DSCAM: variants seen among roughly 807,000 people sequenced by gnomAD.
The protein encoded by DSCAM is DS cell adhesion molecule.
In DSCAM, 47 loss-of-function variants were observed where a neutral mutation model predicts 217.7. The observed-to-expected ratio is 0.22, with a 90% CI of 0.17 to 0.28. DSCAM has a LOEUF of 0.28. DSCAM is among the 10% of genes least tolerant of loss of function. The pLI is 1.00. For synonymous variants in DSCAM, 1,056 were observed against 1,015.3 expected (o/e 1.04, Z -0.76); for missense variants, 2,080 against 2,618.3 (o/e 0.79, Z 4.49).
intron 3 of DSCAM, among the ~76,000 whole-genome samples, chr21:40,482,269 C>T (rs2145989941): frequency 6.6e-6 from 1 of 152,272 alleles, no homozygotes; most frequent in South Asian, 2.1e-4. Flanking sequence ...AGCTATTGTA[C>T]ACTTATGTAG....
chr21:40,534,443 A>C (rs2076479315), intron 3 of DSCAM, among the ~76,000 whole-genome samples: 1 of 152,208 alleles, frequency 6.6e-6, no homozygotes, highest in East Asian at 1.9e-4. Context: ...TTCGACTAGA[A>C]AATGTGCACA....
At chr21:40,088,009 G>A (rs2089554499) in intron 21 of DSCAM, among the ~76,000 whole-genome samples, 1 of 152,192 alleles carries the variant, frequency 6.6e-6, no homozygotes, top group Non-Finnish European at 1.5e-5. Context: ...CCATCAGTGA[G>A]TCACAAAAGC....
chr21:40,578,632 T>C (rs2076876320), intron 3 of DSCAM, among the ~76,000 whole-genome samples: 1 of 152,212 alleles, frequency 6.6e-6, no homozygotes, highest in African/African-American at 2.4e-5. Flanking sequence ...TTTGTTCTTT[T>C]GCTCTTCACA....
chr21:40,654,453 A>G (rs982142689), intron 3 of DSCAM, among the ~76,000 whole-genome samples: 1 of 152,232 alleles, frequency 6.6e-6, no homozygotes, highest in African/African-American at 2.4e-5. Flanking sequence ...AAATTTTTAC[A>G]GCTGCGGTAA....
intron 7 of DSCAM, 137 bp downstream of exon 7, chr21:40,338,982 G>T: frequency 9.0e-7 from 1 of 1,112,520 alleles, no homozygotes; most frequent in Non-Finnish European, 1.3e-6. Context: ...TCCTGAGTAG[G>T]AAGGAGAGGG....
chr21:40,330,306 T>C lies in DSCAM; in HGVS notation c.1783+7795A>G, dbSNP rs2074363644. Among the ~76,000 whole-genome samples the C allele has an allele frequency of 2.0e-5, 3 of 147,312 alleles. No homozygotes were observed. The South Asian group carries it at 6.3e-4, about 31-fold the overall frequency. ...ATTATATTATATGCATATATTTATA[T>C]ATAATAAATTATATATTTATTATAT... On this transcript the variant is annotated intron_variant, in intron 8 of 32. Transcript: ENST00000400454.
chr21:40,649,624 T>C (rs538797557), intron 3 of DSCAM, among the ~76,000 whole-genome samples: 1 of 146,148 alleles, frequency 6.8e-6, no homozygotes, highest in South Asian at 2.2e-4. Context: ...CAAACAATAA[T>C]ATGCAGGGGT....
intron 4 of DSCAM, among the ~76,000 whole-genome samples, chr21:40,358,803 A>G (rs964190096): frequency 1.8e-5 from 2 of 109,744 alleles, no homozygotes; most frequent in Non-Finnish European, 3.4e-5. Flanking sequence ...CTCCATCTCG[A>G]AAAAAAAAAA....
intron 25 of DSCAM, among the ~76,000 whole-genome samples, chr21:40,079,929 ATTC>A (rs2089429769): frequency 1.3e-5 from 2 of 152,036 alleles, no homozygotes; most frequent in African/African-American, 2.4e-5. Flanking sequence ...TCAAACTGAC[ATTC>A]TTCTTTTTAA....
At chr21:40,668,030 C>T (rs1032517774) in intron 3 of DSCAM, among the ~76,000 whole-genome samples, 1 of 152,122 alleles carries the variant, frequency 6.6e-6, no homozygotes, top group African/African-American at 2.4e-5. Context: ...AGTAGAAGGC[C>T]CCAGTCTCAT....
Position 40,259,275 on chromosome 21 carries a change from TC to T in DSCAM, c.2356+16821del, listed in dbSNP as rs2073415537. Among the ~76,000 whole-genome samples, 4 of 128,994 alleles carry T rather than the reference TC, an allele frequency of 3.1e-5. No individual in the cohort carries two copies. The South Asian group carries it at 1.1e-3, about 35-fold the overall frequency. 84.6% of individuals were successfully genotyped at this position (128,994 alleles called of 152,430 possible). A position where few individuals can be genotyped will look rare whatever the true frequency, so the allele number is the denominator to read the frequency against. On this transcript the variant is annotated intron_variant, in intron 11 of 32. Transcript: ENST00000400454. ...GGATCTGATCTCCTCTTTAATGAAC[TC>T]TTTTTTTTTTTTTACCCCAGCAGTG...
At chr21:40,744,117 G>T (rs188689449) in intron 1 of DSCAM, among the ~76,000 whole-genome samples, 2 of 152,190 alleles carry the variant, frequency 1.3e-5, no homozygotes, top group Non-Finnish European at 1.5e-5. Flanking sequence ...GGTTTCTAAG[G>T]TGGGAAGATG....
intron 27 of DSCAM, among the ~76,000 whole-genome samples, chr21:40,068,228 G>A (rs2089239450): frequency 6.6e-6 from 1 of 152,114 alleles, no homozygotes; most frequent in Non-Finnish European, 1.5e-5. Flanking sequence ...AGGATAATTT[G>A]GAGATCAGAG....
chr21:40,832,857 A>G (rs2092022798), intron 1 of DSCAM, among the ~76,000 whole-genome samples: 1 of 152,208 alleles, frequency 6.6e-6, no homozygotes, highest in Non-Finnish European at 1.5e-5. Flanking sequence ...TTCTACTCAC[A>G]TTCTTTCCTA....
Position 40,536,616 on chromosome 21 carries a change from C to T in DSCAM, c.508+156194G>A, listed in dbSNP as rs886754461. On this transcript the variant is annotated intron_variant, in intron 3 of 32. Transcript: ENST00000400454. Reference sequence around the variant, plus strand: ...AGAGACAGGGTTTCACCATGTTAGCCAGGATGGTCTCGATCTCCTGACCTC... The same window carrying T: ...AGAGACAGGGTTTCACCATGTTAGCTAGGATGGTCTCGATCTCCTGACCTC... Among the ~76,000 whole-genome samples, 15 of 152,064 alleles carry T rather than the reference C, an allele frequency of 9.9e-5. No individual in the cohort carries two copies. The East Asian group carries it at 1.4e-3, about 14-fold the overall frequency.
At chr21:40,348,635 C>T (rs2074593274) in intron 5 of DSCAM, among the ~76,000 whole-genome samples, 1 of 152,152 alleles carries the variant, frequency 6.6e-6, no homozygotes, top group Non-Finnish European at 1.5e-5. Flanking sequence ...TGCAATCATA[C>T]TCCACACAGT....
In DSCAM at chr21:40,443,713, G is replaced by T. The variant is rs527683667; in HGVS notation, c.509-74468C>A. On this transcript the variant is annotated intron_variant, in intron 3 of 32. Coordinates refer to ENST00000400454, the MANE Select transcript of DSCAM (RefSeq NM_001389.5). ...TTTAAAAAAGTAAAGGAAAGGTAAT[G>T]TCCTCATAACAAACACTAGCAGATG... Among the ~76,000 whole-genome samples, 23 of 152,276 alleles carry T rather than the reference G, an allele frequency of 1.5e-4. 1 individual carries two copies. Among genetic ancestry groups the T allele is most frequent in the African/African-American group, 4.8e-4 (20 of 41,564 alleles).
chr21:40,124,958 T>C (rs910309537), intron 19 of DSCAM, among the ~76,000 whole-genome samples: 5 of 152,196 alleles, frequency 3.3e-5, no homozygotes, highest in Admixed American at 2.0e-4. Flanking sequence ...CAGTCTCATT[T>C]CTGCTGCAGT....
At chr21:40,823,635 G>A (rs761866767) in intron 1 of DSCAM, among the ~76,000 whole-genome samples, 139 of 152,152 alleles carry the variant, frequency 9.1e-4, no homozygotes, top group Non-Finnish European at 1.6e-3. Flanking sequence ...CCAATGATTT[G>A]TAAAATAATA....
Sources: gnomAD v4.1 joint callset for allele counts (sites outside exome capture counted in the v4.1 genomes callset) on GRCh38, gnomAD v4.1.1 for gene constraint, MANE v1.5 for transcripts, NCBI Gene and HGNC (gene_info 2026-07-23, HGNC 2026-07-21) for gene names.